Variants in TCF7 observed in about 807,000 individuals in gnomAD.
TCF7 encodes the protein transcription factor 7, also known as T-cell-factor-7.
A neutral mutation model predicts 46.8 loss-of-function variants in TCF7; 19 were observed. The observed-to-expected ratio is 0.41, with a 90% CI of 0.28 to 0.60. TCF7 has a LOEUF of 0.60. Among genes scored for constraint, TCF7 ranks in the 20% least tolerant of loss-of-function variants. The pLI is 0.35. For synonymous variants in TCF7, 245 were observed against 213.4 expected (o/e 1.15, Z -1.29); for missense variants, 547 against 504.6 (o/e 1.08, Z -0.81).
chr5:134,116,529 G>T (rs987370744), intron 3 of TCF7, among the ~76,000 whole-genome samples: 3 of 152,254 alleles, frequency 2.0e-5, no homozygotes, highest in Non-Finnish European at 4.4e-5. Context: ...GTCCTGACGG[G>T]CGTGAGTGTA....
intron 6 of TCF7, 91 bp from the exon 7 acceptor site, chr5:134,142,630 T>C (rs1760011766): frequency 1.3e-6 from 2 of 1,505,626 alleles, no homozygotes; most frequent in East Asian, 2.3e-5. Context: ...ATCATACACT[T>C]AGGCACACTC....
intron 3 of TCF7, among the ~76,000 whole-genome samples, chr5:134,117,872 G>A (rs1259014727): frequency 6.6e-6 from 1 of 152,212 alleles, no homozygotes; most frequent in Non-Finnish European, 1.5e-5. Flanking sequence ...TGGCCACACA[G>A]GAGGAGGAAA....
intron 3 of TCF7, among the ~76,000 whole-genome samples, chr5:134,124,770 G>C (rs917799943): frequency 4.6e-5 from 7 of 152,226 alleles, no homozygotes; most frequent in African/African-American, 1.7e-4. Flanking sequence ...GTGCGGCAGA[G>C]GCTCCAGGCA....
chr5:134,136,756 G>A (rs1261015453), intron 3 of TCF7, among the ~76,000 whole-genome samples: 1 of 152,180 alleles, frequency 6.6e-6, no homozygotes, highest in Non-Finnish European at 1.5e-5. Flanking sequence ...AGAGATGCCT[G>A]AAGCTCTTAA....
intron 3 of TCF7, among the ~76,000 whole-genome samples, chr5:134,137,425 CAA>C (rs752883165): frequency 0.06 from 3,357 of 56,390 alleles, 49 homozygotes; most frequent in African/African-American, 0.17. Context: ...GACTCTGTCT[CAA>C]AAAAAAAAAA....
At chr5:134,128,566 C>T (rs562834158) in intron 3 of TCF7, among the ~76,000 whole-genome samples, 150 of 148,142 alleles carry the variant, frequency 1.0e-3, no homozygotes, top group Non-Finnish European at 1.7e-3. Context: ...GTGCAGGCTG[C>T]GGGACAGAAC....
At chr5:134,124,113 G>A (rs1265859173) in intron 3 of TCF7, among the ~76,000 whole-genome samples, 3 of 152,122 alleles carry the variant, frequency 2.0e-5, no homozygotes, top group African/African-American at 7.2e-5. Context: ...ACTCAGCCAG[G>A]GTGTGGAGAG....
chr5:134,146,571 C>A lies in TCF7; in HGVS notation c.*268C>A. 1 of 706,510 alleles carries A rather than the reference C, an allele frequency of 1.4e-6. No individual in the cohort carries two copies. Among genetic ancestry groups the A allele is most frequent in the East Asian group, 2.7e-5 (1 of 37,280 alleles). 43.8% of individuals were successfully genotyped at this position (706,510 alleles called of 1,614,324 possible). A position where few individuals can be genotyped will look rare whatever the true frequency, so the allele number is the denominator to read the frequency against. ...CCAGGAGCCTACCCCCTGAAAGTGA[C>A]AGAGACCCAGATCTCATGGAAACTG... is the stretch of plus-strand genomic sequence containing the variant. On this transcript the variant is annotated 3_prime_UTR_variant, in exon 10 of 10. Coordinates refer to ENST00000342854, the MANE Select transcript of TCF7 (RefSeq NM_003202.5).
chr5:134,144,611 G>A, intron 9 of TCF7: 1 of 586,726 alleles, frequency 1.7e-6, no homozygotes, highest in Non-Finnish European at 3.1e-6. Flanking sequence ...CTGATATCTT[G>A]GCTCTGGGCT....
intron 3 of TCF7, among the ~76,000 whole-genome samples, chr5:134,126,712 C>A (rs1757390866): frequency 6.6e-6 from 1 of 152,146 alleles, no homozygotes; most frequent in African/African-American, 2.4e-5. Flanking sequence ...GCCTGACCAA[C>A]ATGGTGAAAC....
chr5:134,130,463 C>T lies in TCF7; in HGVS notation c.442-7596C>T, dbSNP rs145474833. 3.9e-4 allele frequency among the ~76,000 whole-genome samples: 59 copies of T among 152,340 alleles called. 1 individual carries two copies. Among genetic ancestry groups the T allele is most frequent in the Non-Finnish European group, 7.5e-4 (51 of 68,030 alleles). The stretch of plus-strand genomic sequence containing the variant: ...AGGGGCTGTGCCAGGGGAGCTGGGC[C>T]AAGGGCTGAGACCAGCCTGCACTGT... On this transcript the variant is annotated intron_variant, in intron 3 of 9. Coordinates refer to ENST00000342854, the MANE Select transcript of TCF7 (RefSeq NM_003202.5).
intron 5 of TCF7, 199 bp downstream of exon 5, chr5:134,139,237 G>A (rs1759368644): frequency 5.3e-6 from 4 of 761,022 alleles, no homozygotes; most frequent in Non-Finnish European, 8.2e-6. Context: ...GCATTCCCCA[G>A]GGAGCCTGAC....
intron 3 of TCF7, among the ~76,000 whole-genome samples, chr5:134,133,990 C>G (rs1319163842): frequency 6.6e-6 from 1 of 152,226 alleles, no homozygotes; most frequent in Non-Finnish European, 1.5e-5. Flanking sequence ...GGTGGCAAAG[C>G]TGGACCTGGG....
intron 3 of TCF7, among the ~76,000 whole-genome samples, chr5:134,128,647 GCCAAGGCTGGGGAGGTGATCT>G (rs1757683398): frequency 6.6e-6 from 1 of 151,162 alleles, no homozygotes; most frequent in South Asian, 2.1e-4. Flanking sequence ...AGAATGCAGG[GCCAAGGCTGGGGAGGTGATCT>G]CCAAGGCTCT....
chr5:134,141,819 T>G, intron 5 of TCF7: 1 of 175,864 alleles, frequency 5.7e-6, no homozygotes. Context: ...ACTCTGGCTA[T>G]TGTGTGGAGA....
At chr5:134,143,338 G>A (rs769497576) in intron 8 of TCF7, 6 of 774,132 alleles carry the variant, frequency 7.8e-6, no homozygotes, top group African/African-American at 1.7e-5. Flanking sequence ...TGGGCCACAT[G>A]GGCAGAAGGG....
At chr5:134,128,611 A>G (rs1293598311) in intron 3 of TCF7, among the ~76,000 whole-genome samples, 1 of 150,714 alleles carries the variant, frequency 6.6e-6, no homozygotes, top group Non-Finnish European at 1.5e-5. Flanking sequence ...TTTGCTTCTC[A>G]GAGGCTACTA....
chr5:134,120,166 G>T (rs1442989528), intron 3 of TCF7, among the ~76,000 whole-genome samples: 1 of 152,022 alleles, frequency 6.6e-6, no homozygotes, highest in Non-Finnish European at 1.5e-5. Flanking sequence ...GGACTGGCAG[G>T]CCCCAGGCTT....
chr5:134,141,841 G>C (rs1258245023), intron 5 of TCF7: 2 of 203,162 alleles, frequency 9.8e-6, no homozygotes, highest in Non-Finnish European at 1.0e-5. Flanking sequence ...AGGCCTGGAA[G>C]GGTCAAGCAG....
Sources: allele counts gnomAD v4.1 joint callset (sites outside exome capture counted in the v4.1 genomes callset), GRCh38; gene constraint gnomAD v4.1.1; transcripts MANE v1.5; gene names NCBI Gene and HGNC (gene_info 2026-07-23, HGNC 2026-07-21).